LAMB2: variants seen among roughly 807,000 people sequenced by gnomAD.
The protein encoded by LAMB2 is laminin subunit beta 2.
A neutral mutation model predicts 202.7 loss-of-function variants in LAMB2; 119 were observed. That is an observed-to-expected ratio of 0.59 (90% CI 0.51 to 0.68). The LOEUF is 0.68. Ranked by LOEUF, LAMB2 falls within the 30% of genes least tolerant of loss-of-function variation. The pLI is 0.00. For missense variants in LAMB2, 2,124 were observed against 2,410.6 expected (o/e 0.88, Z 2.49); for synonymous variants, 818 against 902.2 (o/e 0.91, Z 1.67).
At chr3:49,125,534 G>A (rs369756706) in intron 18 of LAMB2, 50 bp from the exon 19 acceptor site, 13 of 1,291,006 alleles carry the variant, frequency 1.0e-5, no homozygotes, top group Non-Finnish European at 1.4e-5. Flanking sequence ...GGTCTGAGGG[G>A]AGTGTGGGTG....
chr3:49,132,689 C>A lies in LAMB2; in HGVS notation c.77-26G>T. 1 of 1,614,110 alleles carries A rather than the reference C, an allele frequency of 6.2e-7. No individual in the cohort carries two copies. Among genetic ancestry groups the A allele is most frequent in the South Asian group, 1.1e-5 (1 of 91,080 alleles). On this transcript the variant is annotated intron_variant, in intron 1 of 31. Coordinates refer to ENST00000305544, the MANE Select transcript of LAMB2 (RefSeq NM_002292.4). This position sits in a 1 kb window ranked among gnomAD's most constrained non-coding sequence, Gnocchi z 4.6. ...CTGGGGACAGTAGCTCAGTCAGTTCCGCTGAGTTCCTATCCAGTGGCTCCA... is the reference window on the plus strand; with the variant it reads ...CTGGGGACAGTAGCTCAGTCAGTTCAGCTGAGTTCCTATCCAGTGGCTCCA...
At position 49,126,098 on chromosome 3, in the gene LAMB2, A is replaced by G. The variant is rs1259689444; in HGVS notation, c.2213T>C (p.Leu738Pro). The G allele has an allele frequency of 1.1e-5, 17 of 1,613,804 alleles. No individual in the cohort carries two copies. Among genetic ancestry groups the G allele is most frequent in the Non-Finnish European group, 1.4e-5 (17 of 1,180,024 alleles). Residue 738 changes from leucine (L) to proline (P), a missense_variant, in exon 17 of 32, where the codon CTG becomes CCG. By Grantham distance (98) the Leu-to-Pro change is moderately conservative. Around this residue, in one of 3 missense-constraint regions of LAMB2, gnomAD observed 1,702 missense variants for 1,896.3 expected, o/e 0.90. Coordinates refer to ENST00000305544, the MANE Select transcript of LAMB2 (RefSeq NM_002292.4). ...EMFSGGDAAA[L>P]ERQATFERYQ... ...GCGTTCAAAGGTGGCCTGGCGCTCC[A>G]GGGCAGCAGCATCACCCCCACTAAA...
In LAMB2 at chr3:49,132,989, C is replaced by CT; in HGVS notation, c.-123dup. 1.2e-6 allele frequency: 1 copy of CT among 837,646 alleles called. No individual in the cohort carries two copies. Among genetic ancestry groups the CT allele is most frequent in the Non-Finnish European group, 2.0e-6 (1 of 499,452 alleles). The allele number at this position is 837,646 out of a possible 1,614,324, so 51.9% of individuals were successfully genotyped here. A position where few individuals can be genotyped will look rare whatever the true frequency, so the allele number is the denominator to read the frequency against. On this transcript the variant is annotated 5_prime_UTR_variant, in exon 1 of 32. Transcript: ENST00000305544. The surrounding 1 kb of genome is among the most constrained non-coding windows in gnomAD (Gnocchi z 4.6). Reference sequence around the variant, plus strand: ...TTTGGCCTGTTTCCCTCCAGGCCCTCTGTCAGTTCCCAGGTCTGTCCAGCG... The same window carrying CT: ...TTTGGCCTGTTTCCCTCCAGGCCCTCTTGTCAGTTCCCAGGTCTGTCCAGCG...
At position 49,129,999 on chromosome 3, in the gene LAMB2, C is replaced by G; in HGVS notation, c.1245G>C (p.Met415Ile). The change falls in exon 10 of 32, where the codon ATG becomes ATC. Residue 415 changes from methionine (M) to isoleucine (I), a missense_variant. Transcript: ENST00000305544. The surrounding 1 kb of genome is among the most constrained non-coding windows in gnomAD (Gnocchi z 6.1). ...CACAGCGACCACCGTCTTGAGAACC[C>G]ATGGGGTCACAATCACAGGCTGACG... ...AVCRSCDCDP[M>I]GSQDGGRCDS... The G allele has an allele frequency of 6.2e-7, 1 of 1,614,038 alleles. No homozygotes were observed.
Position 49,133,013 on chromosome 3 carries a change from C to A in LAMB2, c.-146G>T, listed in dbSNP as rs886058678. On this transcript the variant is annotated 5_prime_UTR_variant, in exon 1 of 32. Transcript: ENST00000305544. ...TCTGTCAGTTCCCAGGTCTGTCCAG[C>A]GGTCCCTCCGACAGCTTAGAGTCCA... 2 of 708,292 alleles carry A rather than the reference C, an allele frequency of 2.8e-6. No individual in the cohort carries two copies. The highest frequency in any genetic ancestry group is 2.7e-5 in the East Asian group (1 of 36,932). The allele number at this position is 708,292 out of a possible 1,614,324, so 43.9% of individuals were successfully genotyped here.
chr3:49,122,582 A>C, intron 27 of LAMB2, 122 bp downstream of exon 27: 4 of 1,001,728 alleles, frequency 4.0e-6, no homozygotes, highest in Non-Finnish European at 6.4e-6. Context: ...GGAGCCAGTC[A>C]AGGGATCATA....
At chr3:49,128,089 C>A (rs1291563314) in intron 15 of LAMB2, among the ~76,000 whole-genome samples, 2 of 151,438 alleles carry the variant, frequency 1.3e-5, no homozygotes, top group African/African-American at 4.8e-5. Flanking sequence ...CAAATACTAC[C>A]CAAAATGTAA....
rs2107638695 is a variant in LAMB2, at chr3:49,124,546, T to G, written c.3176A>C (p.Asp1059Ala). Residue 1059 changes from aspartate to alanine, a missense_variant, in exon 22 of 32, where the codon GAT becomes GCT. By Grantham distance (126) the Asp-to-Ala change is moderately radical. Around this residue, in one of 3 missense-constraint regions of LAMB2, gnomAD observed 1,702 missense variants for 1,896.3 expected, o/e 0.90. Coordinates refer to ENST00000305544, the MANE Select transcript of LAMB2 (RefSeq NM_002292.4). Reference protein sequence around the residue: ...QCPSPDQCHCDPSSGQCPCLP... With the variant: ...QCPSPDQCHCAPSSGQCPCLP... ...GCATGGGCACTGCCCACTGCTTGGA[T>G]CACAGTGGCACTGGTCAGGAGATGG... 6.2e-7 allele frequency: 1 copy of G among 1,613,820 alleles called. No individual in the cohort carries two copies. Among genetic ancestry groups the G allele is most frequent in the Non-Finnish European group, 8.5e-7 (1 of 1,180,004 alleles).
intron 18 of LAMB2, 118 bp downstream of exon 18, chr3:49,125,629 G>A: frequency 1.4e-6 from 2 of 1,454,126 alleles, no homozygotes; most frequent in Admixed American, 2.0e-5. Flanking sequence ...GACCCAGGTT[G>A]AGAGTAGAGG....
In LAMB2 at chr3:49,122,377, G is replaced by C. The variant is rs939775453; in HGVS notation, c.4574-7C>G. 3 of 1,612,264 alleles carry C rather than the reference G, an allele frequency of 1.9e-6. No homozygotes were observed. The highest frequency in any genetic ancestry group is 3.3e-4 in the Middle Eastern group (2 of 6,062). On this transcript the variant is annotated splice_polypyrimidine_tract_variant and splice_region_variant and intron_variant, in intron 27 of 31. Transcript: ENST00000305544. ...TCAGGATCAGCCCCCTCCTCTATAG[G>C]GACACAGCAAGAACTTAAGAACATA...
At position 49,132,592 on chromosome 3, in the gene LAMB2, C is replaced by G; in HGVS notation, c.148G>C (p.Ala50Pro). 6.2e-7 allele frequency: 1 copy of G among 1,613,644 alleles called. No homozygotes were observed. The highest frequency in any genetic ancestry group is 8.5e-7 in the Non-Finnish European group (1 of 1,179,992). The change falls in exon 2 of 32, where the codon GCC becomes CCC. Residue 50 changes from alanine (A) to proline (P), a missense_variant. Coordinates refer to ENST00000305544, the MANE Select transcript of LAMB2 (RefSeq NM_002292.4). This position sits in a 1 kb window ranked among gnomAD's most constrained non-coding sequence, Gnocchi z 4.6. ...PGCSRGSCYP[A>P]TGDLLVGRAD... is the part of the protein sequence containing the mutation. ...CGGCCCACCAGCAGGTCGCCCGTGG[C>G]GGGGTAGCAGCTTCCCCTGGAACAG...
intron 27 of LAMB2, 66 bp from the exon 28 acceptor site, chr3:49,122,436 G>T (rs2045334933): frequency 8.8e-6 from 13 of 1,483,628 alleles, no homozygotes; most frequent in Non-Finnish European, 1.2e-5. Flanking sequence ...ATACAGTTTT[G>T]GGGTATGGAC....
In LAMB2 at chr3:49,132,740, C is replaced by A; in HGVS notation, c.76+52G>T. On this transcript the variant is annotated intron_variant, in intron 1 of 31. Transcript: ENST00000305544. This position sits in a 1 kb window ranked among gnomAD's most constrained non-coding sequence, Gnocchi z 4.6. ...CCTCATGTGCCCCAAGGGCAACTACCAGGACCTACCATCACATTCCACAAC... is the reference window on the plus strand; with the variant it reads ...CCTCATGTGCCCCAAGGGCAACTACAAGGACCTACCATCACATTCCACAAC... 1 of 1,613,268 alleles carries A rather than the reference C, an allele frequency of 6.2e-7. No individual in the cohort carries two copies. Among genetic ancestry groups the A allele is most frequent in the Non-Finnish European group, 8.5e-7 (1 of 1,179,214 alleles).
At position 49,128,810 on chromosome 3, in the gene LAMB2, C is replaced by T; in HGVS notation, c.1741G>A (p.Val581Met). The change falls in exon 14 of 32, where the codon GTG becomes ATG. Residue 581 changes from valine to methionine, a missense_variant. Transcript: ENST00000305544. ...CCGGGGGTCACCAGGCGCTCCACCA[C>T]ATCGAGCACCTGGGAGATAATGCAG... ...AEDTRGQVLD[V>M]VERLVTPGET... The T allele has an allele frequency of 6.2e-7, 1 of 1,612,860 alleles. No individual in the cohort carries two copies. The highest frequency in any genetic ancestry group is 1.1e-5 in the South Asian group (1 of 91,040).
chr3:49,127,775 CT>C (rs1381572682), intron 15 of LAMB2, among the ~76,000 whole-genome samples: 1 of 151,752 alleles, frequency 6.6e-6, no homozygotes, highest in Non-Finnish European at 1.5e-5. Flanking sequence ...AATCCCAACA[CT>C]TTGGGAGGCC....
Position 49,121,952 on chromosome 3 carries a change from G to A in LAMB2, c.4915C>T (p.Leu1639=), listed in dbSNP as rs2045287470. Residue 1639 remains leucine (L), a synonymous_variant, in exon 29 of 32, where the codon CTG becomes TTG. Transcript: ENST00000305544. ...TCCTAGGAAGACCTCACCTGGTACA[G>A]GGTCTGCTCTGTGTCCCGTGTGTCA... ...VADTRDTEQT[L]YQVQERMAGA... 6.2e-7 allele frequency: 1 copy of A among 1,613,896 alleles called. No individual in the cohort carries two copies. The highest frequency in any genetic ancestry group is 8.5e-7 in the Non-Finnish European group (1 of 1,180,052).
chr3:49,128,360 G>T, intron 15 of LAMB2, 98 bp downstream of exon 15: 1 of 1,447,148 alleles, frequency 6.9e-7, no homozygotes, highest in Non-Finnish European at 9.4e-7. Flanking sequence ...AGAAGGAACA[G>T]ATGAATGAGC....
rs750187603 is a variant in LAMB2 at position 49,125,804 on chromosome 3, G to A, written c.2431C>T (p.Arg811Cys). The change falls in exon 18 of 32, where the codon CGC becomes TGC. Residue 811 changes from arginine to cysteine, a missense_variant. By Grantham distance (180) the Arg-to-Cys change is radical. This residue lies in a region of LAMB2 where 1,702 missense variants were observed against 1,896.3 expected (regional missense o/e 0.90). Transcript: ENST00000305544. ...CCAGGGGCACAGAGGTCACAGCGGC[G>A]CCCAACCACTCCAGGCTTGCACAGG... ...QCLCKPGVVG[R>C]RCDLCAPGYY... is the part of the protein sequence containing the mutation. The A allele has an allele frequency of 1.2e-5, 19 of 1,614,114 alleles. No homozygotes were observed. The highest frequency in any genetic ancestry group is 4.5e-5 in the East Asian group (2 of 44,888).
chr3:49,125,203 C>T, intron 19 of LAMB2, 34 bp from the exon 20 acceptor site: 2 of 1,613,598 alleles, frequency 1.2e-6, no homozygotes, highest in Admixed American at 3.3e-5. Context: ...TGTGTCATCC[C>T]TGGGAAGCCT....
Sources: gnomAD v4.1 joint callset for allele counts (sites outside exome capture counted in the v4.1 genomes callset) on GRCh38, gnomAD v4.1.1 for gene constraint, gnomAD v4.1.1 regional missense constraint, Gnocchi (gnomAD v3.1) non-coding constraint, MANE v1.5 for transcripts, NCBI Gene and HGNC (gene_info 2026-07-23, HGNC 2026-07-21) for gene names.